Variants in DCDC2 observed in about 807,000 individuals in gnomAD.
The protein encoded by DCDC2 is doublecortin domain-containing protein 2.
DCDC2 carries 40 observed loss-of-function variants against 50.2 expected under a neutral mutation model. That is an observed-to-expected ratio of 0.80 (90% confidence interval 0.62 to 1.04). The LOEUF (loss-of-function observed/expected upper bound fraction) is 1.04, where lower values mean the gene tolerates loss of function less well. DCDC2 is among the 50% of genes least tolerant of loss of function. The pLI is 0.00. For synonymous variants in DCDC2, 234 were observed against 210.6 expected (o/e 1.11, Z -0.96); for missense variants, 570 against 581.9 (o/e 0.98, Z 0.21).
At chr6:24,260,698 C>T (rs1762989536) in intron 7 of DCDC2, among the ~76,000 whole-genome samples, 1 of 152,186 alleles carries the variant, frequency 6.6e-6, no homozygotes, top group South Asian at 2.1e-4. Context: ...TTATAGAGTG[C>T]TGTACTAATT....
At chr6:24,260,597 C>T (rs1217910224) in intron 7 of DCDC2, among the ~76,000 whole-genome samples, 2 of 152,192 alleles carry the variant, frequency 1.3e-5, no homozygotes, top group African/African-American at 4.8e-5. Flanking sequence ...ATCCATCTAG[C>T]TACTAAAGAA....
intron 7 of DCDC2, among the ~76,000 whole-genome samples, chr6:24,248,842 C>T (rs1762739766): frequency 6.6e-6 from 1 of 152,194 alleles, no homozygotes; most frequent in South Asian, 2.1e-4. Flanking sequence ...AATAGGGAAT[C>T]ACTAATAAGA....
At chr6:24,367,496 G>A in the DCDC2 span, among the ~76,000 whole-genome samples, 7 of 152,240 alleles carry the variant, frequency 4.6e-5, no homozygotes, top group African/African-American at 9.6e-5. Flanking sequence ...GCTAAAGGCC[G>A]AGGTGGGAGG....
chr6:24,288,609 C>T (rs1449153019), intron 6 of DCDC2, among the ~76,000 whole-genome samples: 1 of 151,952 alleles, frequency 6.6e-6, no homozygotes. Context: ...ATTTTAAGTG[C>T]AATATAAATT....
the DCDC2 span, among the ~76,000 whole-genome samples, chr6:24,380,952 G>T: frequency 6.6e-6 from 1 of 152,024 alleles, no homozygotes; most frequent in Non-Finnish European, 1.5e-5. Flanking sequence ...GTGTGGTGGT[G>T]TGGGCCTATA....
Position 24,172,166 on chromosome 6 carries a change from G to A in DCDC2, c.*2564C>T, listed in dbSNP as rs1393230966. ...CAGCATTTATGTTAAAGTCATCTCT[G>A]AAGTGACATCCACAATTTTAATTCC... On this transcript the variant is annotated 3_prime_UTR_variant, in exon 10 of 10. Transcript: ENST00000378454. 6.6e-6 allele frequency: 1 copy of A among 152,206 alleles called. No homozygotes were observed. Among genetic ancestry groups the A allele is most frequent in the Non-Finnish European group, 1.5e-5 (1 of 68,042 alleles). The allele number at this position is 152,206 out of a possible 1,614,324, so 9.4% of individuals were successfully genotyped here. A position where few individuals can be genotyped will look rare whatever the true frequency, so the allele number is the denominator to read the frequency against.
At chr6:24,291,619 G>C (rs1171835700) in intron 4 of DCDC2, among the ~76,000 whole-genome samples, 1 of 150,222 alleles carries the variant, frequency 6.7e-6, no homozygotes, top group Non-Finnish European at 1.5e-5. Flanking sequence ...CCAAGTAGCT[G>C]GGACTACAGG....
chr6:24,185,333 T>C (rs757460471), intron 8 of DCDC2, among the ~76,000 whole-genome samples: 1 of 152,184 alleles, frequency 6.6e-6, no homozygotes, highest in Non-Finnish European at 1.5e-5. Flanking sequence ...GCTATTTTAG[T>C]AGTCATCAAA....
chr6:24,308,517 C>T (rs1268073749), intron 2 of DCDC2, among the ~76,000 whole-genome samples: 1 of 152,000 alleles, frequency 6.6e-6, no homozygotes, highest in Non-Finnish European at 1.5e-5. Context: ...AAATTTCATA[C>T]AAAATGACTA....
At chr6:24,228,105 G>A (rs1208945874) in intron 7 of DCDC2, among the ~76,000 whole-genome samples, 1 of 152,224 alleles carries the variant, frequency 6.6e-6, no homozygotes, top group Non-Finnish European at 1.5e-5. Flanking sequence ...CATAGCAGCA[G>A]ATGAGGTGTG....
At chr6:24,313,514 T>C (rs1158276958) in intron 2 of DCDC2, among the ~76,000 whole-genome samples, 1 of 152,238 alleles carries the variant, frequency 6.6e-6, no homozygotes, top group Non-Finnish European at 1.5e-5. Context: ...ATTTTGGTTA[T>C]CAAACATATC....
intron 2 of DCDC2, among the ~76,000 whole-genome samples, chr6:24,331,925 C>T (rs1759972095): frequency 6.6e-6 from 1 of 152,124 alleles, no homozygotes; most frequent in South Asian, 2.1e-4. Flanking sequence ...TGTTGCACAA[C>T]TATTTTTTAA....
At chr6:24,185,675 C>T (rs1761181143) in intron 8 of DCDC2, among the ~76,000 whole-genome samples, 1 of 133,342 alleles carries the variant, frequency 7.5e-6, no homozygotes, top group Non-Finnish European at 1.6e-5. Context: ...GGTTTTACAC[C>T]CATCCATACA....
chr6:24,361,405 T>C (rs1053707249), upstream of DCDC2, among the ~76,000 whole-genome samples: 3 of 151,158 alleles, frequency 2.0e-5, no homozygotes, highest in African/African-American at 7.3e-5. Context: ...AATCTGCACA[T>C]GTACCCCTGA....
intron 5 of DCDC2, among the ~76,000 whole-genome samples, chr6:24,290,184 G>C (rs914644264): frequency 4.0e-5 from 6 of 150,508 alleles, no homozygotes; most frequent in Admixed American, 2.0e-4. Context: ...TAGTAGAGAC[G>C]GGGTTTCACC....
chr6:24,259,216 G>A (rs946968436), intron 7 of DCDC2, among the ~76,000 whole-genome samples: 1 of 152,080 alleles, frequency 6.6e-6, no homozygotes, highest in Non-Finnish European at 1.5e-5. Flanking sequence ...ACAAATCAAG[G>A]TAAAAATTTC....
chr6:24,340,266 C>T (rs1760131356), intron 2 of DCDC2, among the ~76,000 whole-genome samples: 1 of 152,066 alleles, frequency 6.6e-6, no homozygotes, highest in South Asian at 2.1e-4. Flanking sequence ...TGAGGATTCC[C>T]CTGGCTTATG....
chr6:24,248,231 C>G (rs1762725705), intron 7 of DCDC2, among the ~76,000 whole-genome samples: 1 of 152,182 alleles, frequency 6.6e-6, no homozygotes. Flanking sequence ...TAGACAGCCA[C>G]CAACAAATGT....
intron 2 of DCDC2, among the ~76,000 whole-genome samples, chr6:24,310,884 C>G (rs1367997530): frequency 6.6e-6 from 1 of 151,992 alleles, no homozygotes; most frequent in Non-Finnish European, 1.5e-5. Flanking sequence ...AATCCCAGAG[C>G]TCTCCCCACT....
Sources: allele counts gnomAD v4.1 joint callset (sites outside exome capture counted in the v4.1 genomes callset), GRCh38; gene constraint gnomAD v4.1.1; transcripts MANE v1.5; gene names NCBI Gene and HGNC (gene_info 2026-07-23, HGNC 2026-07-21).